Variants in DDX55 observed in about 807,000 individuals in gnomAD.
The protein encoded by DDX55 is ATP-dependent RNA helicase DDX55.
Under a neutral mutation model 69.2 loss-of-function variants are expected in DDX55, and 56 were observed. The observed-to-expected ratio is 0.81, with a 90% CI of 0.65 to 1.01. The LOEUF is 1.01. Among genes scored for constraint, DDX55 ranks in the 50% least tolerant of loss-of-function variants. The pLI is 0.00. For missense variants in DDX55, 720 were observed against 745.1 expected, an observed-to-expected ratio of 0.97 and a Z score of 0.39; for synonymous variants, 268 against 273.1, an observed-to-expected ratio of 0.98 and a Z score of 0.18.
At chr12:123,602,385 T>G in intron 1 of DDX55, 129 bp downstream of exon 1, 1 of 897,634 alleles carries the variant, frequency 1.1e-6, no homozygotes, top group Non-Finnish European at 1.6e-6. Context: ...GGCTCTTGCC[T>G]TGTCTCCAGC....
At position 123,619,470 on chromosome 12, in the gene DDX55, C is replaced by T. The variant is rs755761249; in HGVS notation, c.1372C>T (p.Leu458=). ...CAGCCTTGCTCGAGGTTTTGCCCTG[C>T]TGAGGATGCCCAAGATGCCAGAATT... ...FASLARGFAL[L]RMPKMPELRG... The change falls in exon 13 of 14, where the codon CTG becomes TTG. Residue 458 remains leucine, a synonymous_variant. Transcript: ENST00000238146. 25 of 1,613,710 alleles carry T rather than the reference C, an allele frequency of 1.5e-5. No individual in the cohort carries two copies. Among genetic ancestry groups the T allele is most frequent in the Non-Finnish European group, 2.0e-5 (24 of 1,179,878 alleles).
At position 123,618,651 on chromosome 12, in the gene DDX55, G is replaced by GT. The variant is rs770320390; in HGVS notation, c.1165-17dup. On this transcript the variant is annotated splice_polypyrimidine_tract_variant and intron_variant, in intron 11 of 13. Transcript: ENST00000238146. ...GCCAGCCAGGGAAGGTGAGAATGTG[G>GT]TATGTGTGTGTGTGTAGTGCCCCCT... The GT allele has an allele frequency of 1.9e-5, 30 of 1,608,800 alleles. No homozygotes were observed. The highest frequency in any genetic ancestry group is 2.5e-5 in the Non-Finnish European group (30 of 1,177,134).
At chr12:123,608,505 C>G in intron 5 of DDX55, 175 bp from the exon 6 acceptor site, 2 of 721,634 alleles carry the variant, frequency 2.8e-6, no homozygotes, top group South Asian at 4.8e-5. Context: ...CAGATCCCGT[C>G]TCACCACAGC....
intron 1 of DDX55, among the ~76,000 whole-genome samples, chr12:123,604,243 G>A (rs1479309280): frequency 2.6e-5 from 4 of 151,716 alleles, no homozygotes; most frequent in African/African-American, 7.3e-5. Context: ...CCGCATCTTC[G>A]AAATTAAAAT....
At chr12:123,614,143 C>G (rs183078029) in intron 8 of DDX55, among the ~76,000 whole-genome samples, 3 of 152,188 alleles carry the variant, frequency 2.0e-5, no homozygotes, top group African/African-American at 7.2e-5. Flanking sequence ...AAACTGCACC[C>G]TGCTAGGTGG....
In DDX55 at chr12:123,620,152, C is replaced by T. The variant is rs1215830609; in HGVS notation, c.*12C>T. Reference sequence around the variant, plus strand: ...AAGATGACTGCTGATTCCAGTGCCACAGATGAACCCACAAGGACATAGCTG... The same window carrying T: ...AAGATGACTGCTGATTCCAGTGCCATAGATGAACCCACAAGGACATAGCTG... On this transcript the variant is annotated 3_prime_UTR_variant, in exon 14 of 14. Coordinates refer to ENST00000238146, the MANE Select transcript of DDX55 (RefSeq NM_020936.3). 1 of 1,611,148 alleles carries T rather than the reference C, an allele frequency of 6.2e-7. No individual in the cohort carries two copies. The highest frequency in any genetic ancestry group is 8.5e-7 in the Non-Finnish European group (1 of 1,178,378).
chr12:123,617,253 A>G (rs887046052), intron 10 of DDX55, among the ~76,000 whole-genome samples: 1 of 152,266 alleles, frequency 6.6e-6, no homozygotes, highest in African/African-American at 2.4e-5. Context: ...ACTTTCAAAT[A>G]TTATCAGTTC....
rs942393539 is a variant in DDX55, at chr12:123,607,686, T to C, written c.401+24T>C. On this transcript the variant is annotated intron_variant, in intron 5 of 13. Transcript: ENST00000238146. ...GGGTGAGTTTGCTCGTGTCTGCTTG[T>C]TTCTTTGCTTGCTTTTGGCATTGAA... The C allele has an allele frequency of 5.0e-6, 8 of 1,613,984 alleles. No homozygotes were observed. In the East Asian group the frequency reaches 1.8e-4, roughly 36 times the overall value.
At chr12:123,612,165 A>G (rs1954295031) in intron 7 of DDX55, among the ~76,000 whole-genome samples, 1 of 152,198 alleles carries the variant, frequency 6.6e-6, no homozygotes, top group African/African-American at 2.4e-5. Flanking sequence ...GGATTTCCAG[A>G]TTAGGGATGC....
chr12:123,604,730 C>G (rs1158941303), intron 1 of DDX55: 3 of 151,994 alleles, frequency 2.0e-5, no homozygotes, highest in Admixed American at 2.0e-4. Flanking sequence ...TGTGAAGGGA[C>G]AATATTTTTG....
At chr12:123,618,369 T>C (rs1285077770) in intron 11 of DDX55, 1 of 699,230 alleles carries the variant, frequency 1.4e-6, no homozygotes, top group Middle Eastern at 2.6e-4. Flanking sequence ...CCAAGTCTCC[T>C]GTGTGGTAGC....
chr12:123,617,953 A>C (rs1172276857), intron 11 of DDX55, 81 bp downstream of exon 11: 3 of 1,414,088 alleles, frequency 2.1e-6, no homozygotes, highest in Non-Finnish European at 2.0e-6. Flanking sequence ...TCAGCAATTG[A>C]AATTACGAAT....
intron 10 of DDX55, chr12:123,616,892 G>A (rs574350792): frequency 3.8e-5 from 13 of 342,980 alleles, no homozygotes; most frequent in African/African-American, 1.7e-4. Flanking sequence ...GGTGGCTCAC[G>A]CCTGTAATTC....
At chr12:123,618,178 A>G in intron 11 of DDX55, 4 of 384,460 alleles carry the variant, frequency 1.0e-5, no homozygotes, top group Non-Finnish European at 2.0e-5. Context: ...CACCCCAGCT[A>G]ATTTTGTATT....
At chr12:123,610,490 G>A (rs73414268) in intron 7 of DDX55, among the ~76,000 whole-genome samples, 2,285 of 152,154 alleles carry the variant, frequency 0.015, 50 homozygotes, top group African/African-American at 0.052. Context: ...TAGATGTGCA[G>A]GTGGAACACA....
chr12:123,615,658 G>A (rs1052967768), intron 9 of DDX55, among the ~76,000 whole-genome samples: 2 of 152,178 alleles, frequency 1.3e-5, no homozygotes, highest in Non-Finnish European at 2.9e-5. Flanking sequence ...GCAGCAAGGA[G>A]CAAATCCATT....
intron 7 of DDX55, among the ~76,000 whole-genome samples, chr12:123,611,858 G>A (rs1004961093): frequency 2.6e-5 from 4 of 152,202 alleles, no homozygotes; most frequent in African/African-American, 9.6e-5. Context: ...GAGCATGGGC[G>A]CTAGAGCAGG....
chr12:123,615,524 C>A (rs747800688), intron 9 of DDX55, among the ~76,000 whole-genome samples: 1 of 152,202 alleles, frequency 6.6e-6, no homozygotes, highest in African/African-American at 2.4e-5. Context: ...TTTGCTATGT[C>A]ATTTCCCTAG....
At chr12:123,605,051 GCT>G (rs1434883718) in intron 1 of DDX55, 2 of 152,182 alleles carry the variant, frequency 1.3e-5, no homozygotes, top group African/African-American at 2.4e-5. Flanking sequence ...GCAGGGTTTT[GCT>G]CTGTTACCCG....
Sources: gnomAD v4.1 joint callset for allele counts (sites outside exome capture counted in the v4.1 genomes callset) on GRCh38, gnomAD v4.1.1 for gene constraint, MANE v1.5 for transcripts, NCBI Gene and HGNC (gene_info 2026-07-23, HGNC 2026-07-21) for gene names.